The following SUGCT variants were observed in gnomAD, a reference collection of about 807,000 sequenced individuals.
SUGCT encodes succinyl-CoA:glutarate CoA-transferase.
SUGCT carries 41 observed loss-of-function variants against 55.0 expected under a neutral mutation model. The ratio of observed to expected loss-of-function variants is 0.74; its 90% CI spans 0.58 to 0.97. SUGCT has a LOEUF of 0.97. SUGCT is among the 50% of genes least tolerant of loss of function. The pLI is 0.00. For missense variants in SUGCT, 568 were observed against 547.8 expected (o/e 1.04, Z -0.37); for synonymous variants, 187 against 200.4 (o/e 0.93, Z 0.56).
intron 9 of SUGCT, among the ~76,000 whole-genome samples, chr7:40,354,914 A>G (rs537110301): frequency 6.6e-6 from 1 of 152,322 alleles, no homozygotes; most frequent in African/African-American, 2.4e-5. Context: ...CCTATCATGT[A>G]GCAATTATGA....
At chr7:40,224,774 C>T (rs1788231999) in intron 6 of SUGCT, among the ~76,000 whole-genome samples, 1 of 152,210 alleles carries the variant, frequency 6.6e-6, no homozygotes. Context: ...AGTGTTCCAG[C>T]TATTCAGATC....
intron 13 of SUGCT, among the ~76,000 whole-genome samples, chr7:40,750,435 C>T (rs772930099): frequency 1.8e-4 from 27 of 151,970 alleles, no homozygotes; most frequent in East Asian, 3.9e-4. Context: ...TTCCTAAAAC[C>T]GTTTCCTGGC....
the SUGCT span, among the ~76,000 whole-genome samples, chr7:41,036,591 A>T: frequency 6.6e-6 from 1 of 152,046 alleles, no homozygotes; most frequent in Non-Finnish European, 1.5e-5. Context: ...TCATCCCTTG[A>T]TTCCTGCCAT....
intron 1 of SUGCT, among the ~76,000 whole-genome samples, chr7:40,150,819 T>G (rs1187300471): frequency 6.6e-6 from 1 of 152,206 alleles, no homozygotes; most frequent in African/African-American, 2.4e-5. Context: ...TCTTGATGAA[T>G]CGGCTCTATC....
At chr7:41,030,466 A>G in the SUGCT span, among the ~76,000 whole-genome samples, 1 of 152,194 alleles carries the variant, frequency 6.6e-6, no homozygotes, top group Non-Finnish European at 1.5e-5. Context: ...AAATACACAT[A>G]AAGAGGATGG....
rs922877830 is a variant in SUGCT at position 40,399,426 on chromosome 7, A to G, written c.817-49861A>G. On this transcript the variant is annotated intron_variant, in intron 9 of 13. Coordinates refer to ENST00000335693, the MANE Select transcript of SUGCT (RefSeq NM_001193313.2). Reference sequence around the variant, plus strand: ...AAAAAGAGAATTTATTGTTTTATGTAACTAGGAGGTCCAGGCATAGAACTA... The same window carrying G: ...AAAAAGAGAATTTATTGTTTTATGTGACTAGGAGGTCCAGGCATAGAACTA... Among the ~76,000 whole-genome samples the G allele has an allele frequency of 4.3e-4, 66 of 152,192 alleles. 2 individuals carry two copies.
intron 13 of SUGCT, among the ~76,000 whole-genome samples, chr7:40,852,496 G>T (rs1213249463): frequency 6.6e-6 from 1 of 151,370 alleles, no homozygotes; most frequent in African/African-American, 2.4e-5. Context: ...CCTAGAATAA[G>T]ATCCACTGTC....
intron 12 of SUGCT, among the ~76,000 whole-genome samples, chr7:40,546,158 C>T (rs1183476572): frequency 6.6e-6 from 1 of 152,170 alleles, no homozygotes; most frequent in African/African-American, 2.4e-5. Flanking sequence ...TTACATGTAG[C>T]AGACCAATGG....
chr7:40,954,812 G>T, the SUGCT span, among the ~76,000 whole-genome samples: 1 of 152,110 alleles, frequency 6.6e-6, no homozygotes, highest in African/African-American at 2.4e-5. Context: ...ATTAATTTTT[G>T]TATAAGGTGT....
intron 11 of SUGCT, among the ~76,000 whole-genome samples, chr7:40,463,319 C>G (rs1470409878): frequency 6.6e-6 from 1 of 151,970 alleles, no homozygotes; most frequent in Non-Finnish European, 1.5e-5. Flanking sequence ...TCCTTTACAC[C>G]CAATTCGAAG....
At chr7:40,151,861 G>GT (rs1788594501) in intron 1 of SUGCT, 1 of 152,238 alleles carries the variant, frequency 6.6e-6, no homozygotes, top group African/African-American at 2.4e-5. Context: ...GGAGACTGAG[G>GT]TTTTCTAAGG....
At chr7:41,005,734 C>G in the SUGCT span, among the ~76,000 whole-genome samples, 1 of 152,266 alleles carries the variant, frequency 6.6e-6, no homozygotes, top group Non-Finnish European at 1.5e-5. Flanking sequence ...ATGTGAAGAT[C>G]AGGGCATAGA....
At chr7:40,235,989 A>G (rs1271444142) in intron 6 of SUGCT, among the ~76,000 whole-genome samples, 1 of 151,830 alleles carries the variant, frequency 6.6e-6, no homozygotes, top group African/African-American at 2.4e-5. Flanking sequence ...TCATTGGGTC[A>G]CTCTGCTTGA....
chr7:40,951,502 A>T, the SUGCT span, among the ~76,000 whole-genome samples: 1 of 151,928 alleles, frequency 6.6e-6, no homozygotes, highest in African/African-American at 2.4e-5. Context: ...CTAGCTTTTG[A>T]ATGTGTTTGC....
the SUGCT span, among the ~76,000 whole-genome samples, chr7:40,915,867 C>T: frequency 6.6e-6 from 1 of 152,124 alleles, no homozygotes; most frequent in Non-Finnish European, 1.5e-5. Context: ...CCCATCGCAC[C>T]CTGTTTTTTT....
At chr7:40,580,612 C>A (rs561746897) in intron 12 of SUGCT, among the ~76,000 whole-genome samples, 12 of 152,266 alleles carry the variant, frequency 7.9e-5, no homozygotes, top group African/African-American at 2.4e-4. Context: ...ATTAGACCAT[C>A]ATGACTTCAC....
intron 12 of SUGCT, among the ~76,000 whole-genome samples, chr7:40,680,427 C>T (rs1023243855): frequency 1.3e-5 from 2 of 152,024 alleles, no homozygotes; most frequent in African/African-American, 4.8e-5. Context: ...GCTCATTAGG[C>T]CATTTAAAAT....
the SUGCT span, among the ~76,000 whole-genome samples, chr7:41,019,774 T>C: frequency 6.6e-6 from 1 of 152,326 alleles, no homozygotes; most frequent in Admixed American, 6.5e-5. Flanking sequence ...AAATCTCTGG[T>C]CTTGGAAGGT....
At chr7:40,347,975 A>G (rs1405502168) in intron 9 of SUGCT, among the ~76,000 whole-genome samples, 1 of 152,184 alleles carries the variant, frequency 6.6e-6, no homozygotes, top group Non-Finnish European at 1.5e-5. Context: ...CCTCCATTTT[A>G]TAAGCATATC....
Sources: gnomAD v4.1 joint callset for allele counts (sites outside exome capture counted in the v4.1 genomes callset) on GRCh38, gnomAD v4.1.1 for gene constraint, MANE v1.5 for transcripts, NCBI Gene and HGNC (gene_info 2026-07-23, HGNC 2026-07-21) for gene names.